Variants in DGKI observed in about 807,000 individuals in gnomAD.
DGKI encodes diacylglycerol kinase iota, also known as DAG kinase iota.
DGKI carries 55 observed loss-of-function variants against 147.5 expected under a neutral mutation model. The observed-to-expected ratio is 0.37, with a 90% CI of 0.30 to 0.47. DGKI has a LOEUF of 0.47. Ranked by LOEUF, DGKI falls within the 20% of genes least tolerant of loss-of-function variation. The pLI is 1.00. For synonymous variants in DGKI, 469 were observed against 477.1 expected, an observed-to-expected ratio of 0.98 and a Z score of 0.22; for missense variants, 1,007 against 1,323.8, an observed-to-expected ratio of 0.76 and a Z score of 3.71.
chr7:137,472,364 ATATAATTATTATATGTATATATACATAT>A (rs1563040312), intron 23 of DGKI, among the ~76,000 whole-genome samples: 2 of 89,442 alleles, frequency 2.2e-5, no homozygotes, highest in Admixed American at 1.3e-4. Flanking sequence ...GTATATATAC[ATATAATTATTATATGTATATATACATAT>A]TATAATTATT....
intron 21 of DGKI, among the ~76,000 whole-genome samples, chr7:137,511,741 T>C (rs1816587133): frequency 6.6e-6 from 1 of 152,248 alleles, no homozygotes; most frequent in Non-Finnish European, 1.5e-5. Flanking sequence ...CTTTCGGAAC[T>C]GAAGCAATGC....
intron 30 of DGKI, among the ~76,000 whole-genome samples, chr7:137,402,774 G>T (rs1811808241): frequency 6.6e-6 from 1 of 152,124 alleles, no homozygotes; most frequent in South Asian, 2.1e-4. Flanking sequence ...GGGAGAGCTG[G>T]CACTGGGAAT....
At chr7:137,410,193 C>G (rs1021110559) in intron 29 of DGKI, among the ~76,000 whole-genome samples, 3 of 152,132 alleles carry the variant, frequency 2.0e-5, no homozygotes, top group East Asian at 1.9e-4. Flanking sequence ...ATCACAAGGT[C>G]AGGAGATCGA....
At chr7:137,568,252 A>G (rs1818658086) in intron 19 of DGKI, among the ~76,000 whole-genome samples, 1 of 152,192 alleles carries the variant, frequency 6.6e-6, no homozygotes, top group Non-Finnish European at 1.5e-5. Context: ...ACAAAGCACT[A>G]CAATTCCTCC....
At chr7:137,452,740 T>G (rs1203132876) in intron 27 of DGKI, 2 of 152,222 alleles carry the variant, frequency 1.3e-5, no homozygotes, top group African/African-American at 4.8e-5. Flanking sequence ...CTCTGTCGTT[T>G]CAGTCATTTA....
intron 30 of DGKI, among the ~76,000 whole-genome samples, chr7:137,400,819 T>G (rs1205804505): frequency 2.6e-5 from 4 of 152,222 alleles, no homozygotes; most frequent in Non-Finnish European, 5.9e-5. Context: ...TAACTTCAAC[T>G]TTCCTTATTC....
chr7:137,455,032 T>C (rs186975623), intron 27 of DGKI, among the ~76,000 whole-genome samples: 1 of 152,312 alleles, frequency 6.6e-6, no homozygotes, highest in African/African-American at 2.4e-5. Flanking sequence ...AATATCTCCC[T>C]GTGGTAATTG....
At chr7:137,714,138 TG>T (rs1436733326) in intron 1 of DGKI, among the ~76,000 whole-genome samples, 1 of 152,236 alleles carries the variant, frequency 6.6e-6, no homozygotes, top group Non-Finnish European at 1.5e-5. Flanking sequence ...AGATTCTTTC[TG>T]ATTTTGGATT....
chr7:137,500,864 T>C (rs1816146651), intron 21 of DGKI, among the ~76,000 whole-genome samples: 1 of 152,188 alleles, frequency 6.6e-6, no homozygotes, highest in South Asian at 2.1e-4. Context: ...ATCACTTCTT[T>C]ATGTTAGAAG....
At chr7:137,733,856 TG>T (rs1794950949) in intron 1 of DGKI, among the ~76,000 whole-genome samples, 1 of 152,076 alleles carries the variant, frequency 6.6e-6, no homozygotes, top group South Asian at 2.1e-4. Context: ...GGTAAGGTAG[TG>T]GTCACTTGTA....
At chr7:137,477,257 G>A (rs1051038219) in intron 23 of DGKI, among the ~76,000 whole-genome samples, 1 of 152,102 alleles carries the variant, frequency 6.6e-6, no homozygotes, top group Non-Finnish European at 1.5e-5. Flanking sequence ...CACAGGAACC[G>A]AGACTACAAC....
At chr7:137,457,642 A>T (rs1368481075) in intron 27 of DGKI, among the ~76,000 whole-genome samples, 3 of 152,152 alleles carry the variant, frequency 2.0e-5, no homozygotes, top group Non-Finnish European at 2.9e-5. Flanking sequence ...AGTTTAAAGT[A>T]TTATTAGGTA....
rs141125940 is a variant in DGKI, at chr7:137,604,935, G to A, written c.1167+4031C>T. On this transcript the variant is annotated intron_variant, in intron 10 of 32. Transcript: ENST00000614521. ...GAGGGGACGTATTTCTCTAGTACTC[G>A]AAAGTTTCCACACATAGGAGGGGAT... is the stretch of plus-strand genomic sequence containing the variant. Among the ~76,000 whole-genome samples, 1,214 of 152,242 alleles carry A rather than the reference G, an allele frequency of 8.0e-3. 24 individuals carry two copies. Among genetic ancestry groups the A allele is most frequent in the African/African-American group, 0.028 (1,148 of 41,518 alleles).
At chr7:137,743,552 T>A (rs1176648383) in intron 1 of DGKI, among the ~76,000 whole-genome samples, 1 of 151,792 alleles carries the variant, frequency 6.6e-6, no homozygotes, top group Non-Finnish European at 1.5e-5. Flanking sequence ...CAACAAAAAA[T>A]TAAGGCAAAA....
rs919450084 is a variant in DGKI at position 137,424,563 on chromosome 7, C to T, written c.2762-12356G>A. 9.2e-5 allele frequency among the ~76,000 whole-genome samples: 14 copies of T among 152,150 alleles called. No homozygotes were observed. The East Asian group carries it at 1.4e-3, about 15-fold the overall frequency. On this transcript the variant is annotated intron_variant, in intron 28 of 32. Coordinates refer to ENST00000614521, the MANE Select transcript of DGKI (RefSeq NM_001321708.2). ...AGGACAGTGGATGCAGTGCACCGTGCGCGAGCCAAAGCAGGGTGAGGCATT... is the reference window on the plus strand; with the variant it reads ...AGGACAGTGGATGCAGTGCACCGTGTGCGAGCCAAAGCAGGGTGAGGCATT...
chr7:137,640,393 T>G (rs1821582585), intron 6 of DGKI, among the ~76,000 whole-genome samples: 1 of 152,090 alleles, frequency 6.6e-6, no homozygotes, highest in South Asian at 2.1e-4. Flanking sequence ...GGCAGGGGCT[T>G]TATGGAGCAT....
intron 3 of DGKI, among the ~76,000 whole-genome samples, chr7:137,676,438 T>C (rs1823040583): frequency 6.6e-6 from 1 of 152,166 alleles, no homozygotes; most frequent in South Asian, 2.1e-4. Context: ...CTGAGCCAAG[T>C]AAGCCCTTTC....
chr7:137,807,980 T>C (rs1426188932), intron 1 of DGKI, among the ~76,000 whole-genome samples: 5 of 152,196 alleles, frequency 3.3e-5, no homozygotes, highest in African/African-American at 1.2e-4. Context: ...GCAACTCTCG[T>C]CTCTTGGGAT....
At chr7:137,749,691 A>T (rs571929670) in intron 1 of DGKI, among the ~76,000 whole-genome samples, 1 of 152,066 alleles carries the variant, frequency 6.6e-6, no homozygotes, top group East Asian at 1.9e-4. Flanking sequence ...CAAATTTATC[A>T]TTTTTTTTGA....
Sources: gnomAD v4.1 joint callset for allele counts (sites outside exome capture counted in the v4.1 genomes callset) on GRCh38, gnomAD v4.1.1 for gene constraint, MANE v1.5 for transcripts, NCBI Gene and HGNC (gene_info 2026-07-23, HGNC 2026-07-21) for gene names.